NKD1: variants seen among roughly 807,000 people sequenced by gnomAD.
The protein encoded by NKD1 is NKD inhibitor of Wnt signaling pathway 1, also known as protein naked cuticle homolog 1.
A neutral mutation model predicts 56.0 loss-of-function variants in NKD1; 21 were observed. That is an observed-to-expected ratio of 0.38 (90% confidence interval 0.27 to 0.54). The LOEUF (loss-of-function observed/expected upper bound fraction) is 0.54, where lower values mean the gene tolerates loss of function less well. Among genes scored for constraint, NKD1 ranks in the 20% least tolerant of loss-of-function variants. The pLI is 0.82. For missense variants in NKD1, 578 were observed against 642.7 expected (o/e 0.90, Z 1.09); for synonymous variants, 263 against 265.7 (o/e 0.99, Z 0.10).
At chr16:50,614,569 A>G (rs1961920426) in intron 4 of NKD1, among the ~76,000 whole-genome samples, 1 of 152,156 alleles carries the variant, frequency 6.6e-6, no homozygotes, top group African/African-American at 2.4e-5. Context: ...TTCCCAGGTC[A>G]CAGGGGTTCT....
At position 50,549,523 on chromosome 16, in the gene NKD1, C is replaced by T. The variant is rs762652464; in HGVS notation, c.160C>T (p.Arg54Trp). The T allele has an allele frequency of 5.6e-6, 9 of 1,607,042 alleles. No individual in the cohort carries two copies. The East Asian group carries it at 1.6e-4, about 28-fold the overall frequency. The change falls in exon 3 of 10, where the codon CGG becomes TGG. Residue 54 changes from arginine (R) to tryptophan (W), a missense_variant. Arg to Trp is a moderately radical substitution (Grantham distance 101). Coordinates refer to ENST00000268459, the MANE Select transcript of NKD1 (RefSeq NM_033119.5). Reference protein sequence around the residue: ...PGGVSGPRQLRLAGTIGRSTR... With the variant: ...PGGVSGPRQLWLAGTIGRSTR... ...CGGTGTCTCGGGACCCCGACAGCTG[C>T]GGTTGGCGGGCACCATAGGCCGAAG... is the stretch of plus-strand genomic sequence containing the variant.
chr16:50,603,063 C>T (rs1014103979), intron 3 of NKD1, among the ~76,000 whole-genome samples: 4 of 152,246 alleles, frequency 2.6e-5, no homozygotes, highest in African/African-American at 9.6e-5. Context: ...AGGAGAGAAA[C>T]TGATGTTAGT....
At chr16:50,609,741 C>T (rs1033119176) in intron 4 of NKD1, among the ~76,000 whole-genome samples, 10 of 152,128 alleles carry the variant, frequency 6.6e-5, no homozygotes, top group South Asian at 2.1e-4. Context: ...ATACTCACTC[C>T]GTTGCCTAGA....
chr16:50,574,097 G>A, intron 3 of NKD1: 1 of 814,290 alleles, frequency 1.2e-6, no homozygotes, highest in Non-Finnish European at 1.5e-6. Flanking sequence ...GCTCCAAGTG[G>A]CAGAATGTCT....
chr16:50,631,875 G>A (rs931432163), intron 8 of NKD1, among the ~76,000 whole-genome samples: 5 of 152,242 alleles, frequency 3.3e-5, no homozygotes, highest in East Asian at 3.8e-4. Context: ...ACAGTTTAAG[G>A]GGATTCTGCT....
intron 3 of NKD1, among the ~76,000 whole-genome samples, chr16:50,560,960 C>T (rs1309106785): frequency 6.6e-6 from 1 of 152,054 alleles, no homozygotes; most frequent in Non-Finnish European, 1.5e-5. Flanking sequence ...GGCCCTGAGC[C>T]TGAATGCCTG....
chr16:50,620,071 T>A (rs576197892), intron 4 of NKD1, among the ~76,000 whole-genome samples: 28 of 152,408 alleles, frequency 1.8e-4, no homozygotes, highest in Non-Finnish European at 2.8e-4. Context: ...TCGTAATAAC[T>A]GCCTCACAGG....
At chr16:50,592,581 G>A (rs147986907) in intron 3 of NKD1, among the ~76,000 whole-genome samples, 1 of 152,222 alleles carries the variant, frequency 6.6e-6, no homozygotes, top group African/African-American at 2.4e-5. Flanking sequence ...TGTCCTCAAC[G>A]AGTTTAGCCG....
rs1031396933 is a variant in NKD1, at chr16:50,632,958, C to T, written c.824-234C>T. 3.9e-5 allele frequency among the ~76,000 whole-genome samples: 6 copies of T among 152,158 alleles called. No individual in the cohort carries two copies. The highest frequency in any genetic ancestry group is 5.9e-5 in the Non-Finnish European group (4 of 68,030). On this transcript the variant is annotated intron_variant, in intron 9 of 9. Transcript: ENST00000268459. This position sits in a 1 kb window ranked among gnomAD's most constrained non-coding sequence, Gnocchi z 4.1. ...GGTCTCTGCTGCCATCTGTCTTTCTCGGCTCCCTCTCGGAGAGTATTTTTG... is the reference window on the plus strand; with the variant it reads ...GGTCTCTGCTGCCATCTGTCTTTCTTGGCTCCCTCTCGGAGAGTATTTTTG...
At chr16:50,589,746 TCTCTTCTC>T (rs1177215645) in intron 3 of NKD1, among the ~76,000 whole-genome samples, 2 of 94,036 alleles carry the variant, frequency 2.1e-5, no homozygotes, top group African/African-American at 4.6e-5. Context: ...TCTCTTCTCT[TCTCTTCTC>T]TTCTCTTCTC....
At chr16:50,599,352 G>C (rs1186633852) in intron 3 of NKD1, among the ~76,000 whole-genome samples, 1 of 152,140 alleles carries the variant, frequency 6.6e-6, no homozygotes, top group African/African-American at 2.4e-5. Context: ...TCCACTTTCA[G>C]CTGGGGAAAC....
At position 50,625,574 on chromosome 16, in the gene NKD1, C is replaced by T. The variant is rs970520905; in HGVS notation, c.456C>T (p.Thr152=). Residue 152 remains threonine, a synonymous_variant, in exon 6 of 10, where the codon ACC becomes ACT. Transcript: ENST00000268459. Reference sequence around the variant, plus strand: ...ACTTTGACAACAACGGCAAGGTCACCCGAGAGGTGAGTGCACCTGCCTGGC... The same window carrying T: ...ACTTTGACAACAACGGCAAGGTCACTCGAGAGGTGAGTGCACCTGCCTGGC... ...LYDFDNNGKV[T]REDITSLLHT... 1.9e-6 allele frequency: 3 copies of T among 1,609,008 alleles called. No homozygotes were observed. The African/African-American group carries it at 4.0e-5, about 22-fold the overall frequency.
chr16:50,598,707 G>T lies in NKD1; in HGVS notation c.193-9587G>T, dbSNP rs1012382963. Reference sequence around the variant, plus strand: ...GGGCCTCTCCTCTTATCAGCACTCGGCTGTGTGGCGTGGCGGGCCAGTGGC... The same window carrying T: ...GGGCCTCTCCTCTTATCAGCACTCGTCTGTGTGGCGTGGCGGGCCAGTGGC... On this transcript the variant is annotated intron_variant, in intron 3 of 9. Coordinates refer to ENST00000268459, the MANE Select transcript of NKD1 (RefSeq NM_033119.5). The surrounding 1 kb of genome is among the most constrained non-coding windows in gnomAD (Gnocchi z 4.2). 3.9e-5 allele frequency among the ~76,000 whole-genome samples: 6 copies of T among 152,224 alleles called. No homozygotes were observed. Among genetic ancestry groups the T allele is most frequent in the Non-Finnish European group, 7.3e-5 (5 of 68,042 alleles).
rs138964473 is a variant in NKD1, at chr16:50,598,262, T to TGTGTGC, written c.193-10031_193-10030insTGTGCG. ...GTGTGTGTGTGTGTGTGTGTGTGTG[T>TGTGTGC]GCGCGCACACCTGTGCTCATGGACA... On this transcript the variant is annotated intron_variant, in intron 3 of 9. Coordinates refer to ENST00000268459, the MANE Select transcript of NKD1 (RefSeq NM_033119.5). The surrounding 1 kb of genome is among the most constrained non-coding windows in gnomAD (Gnocchi z 4.2). Among the ~76,000 whole-genome samples, 249 of 148,662 alleles carry TGTGTGC rather than the reference T, an allele frequency of 1.7e-3. No individual in the cohort carries two copies. The highest frequency in any genetic ancestry group is 5.3e-3 in the African/African-American group (208 of 39,156).
chr16:50,551,974 C>T (rs761263086), intron 3 of NKD1: 2 of 152,082 alleles, frequency 1.3e-5, no homozygotes, highest in East Asian at 1.9e-4. Flanking sequence ...CCTCTGGTGC[C>T]GAAGGGGTAG....
intron 3 of NKD1, chr16:50,571,488 G>T: frequency 2.0e-6 from 2 of 985,390 alleles, no homozygotes; most frequent in Non-Finnish European, 2.4e-6. Context: ...CAAACAGCCT[G>T]TCGGAAGCAG....
rs560261323 is a variant in NKD1, at chr16:50,622,780, C to T, written c.366+1072C>T. ...TGGCACCGGCTAATTGCCAGGGTAC[C>T]CAGCTTAGACTGGGTGTGGTTCCTG... On this transcript the variant is annotated intron_variant, in intron 5 of 9. Coordinates refer to ENST00000268459, the MANE Select transcript of NKD1 (RefSeq NM_033119.5). Among the ~76,000 whole-genome samples the T allele has an allele frequency of 4.6e-5, 7 of 152,102 alleles. No individual in the cohort carries two copies. In the South Asian group the frequency reaches 1.5e-3, roughly 32 times the overall value.
In NKD1 at chr16:50,581,638, T is replaced by C. The variant is rs1218131371; in HGVS notation, c.193-26656T>C. Among the ~76,000 whole-genome samples the C allele has an allele frequency of 2.6e-5, 4 of 152,212 alleles. No individual in the cohort carries two copies. In the East Asian group the frequency reaches 7.7e-4, roughly 29 times the overall value. On this transcript the variant is annotated intron_variant, in intron 3 of 9. Transcript: ENST00000268459. ...GCCACTTACTCAGAGGCACCTCGGA[T>C]GGAGAGAACTGGCTAAACAGCAAGT...
chr16:50,596,751 A>G (rs1409692384), intron 3 of NKD1, among the ~76,000 whole-genome samples: 1 of 152,214 alleles, frequency 6.6e-6, no homozygotes, highest in African/African-American at 2.4e-5. Flanking sequence ...AGAGATAAAT[A>G]AGGGATTGTG....
Sources: gnomAD v4.1 joint callset for allele counts (sites outside exome capture counted in the v4.1 genomes callset) on GRCh38, gnomAD v4.1.1 for gene constraint, Gnocchi (gnomAD v3.1) non-coding constraint, MANE v1.5 for transcripts, NCBI Gene and HGNC (gene_info 2026-07-23, HGNC 2026-07-21) for gene names.